The following LRRC53 variants were observed in gnomAD, a reference collection of about 807,000 sequenced individuals.
The protein encoded by LRRC53 is leucine rich repeat containing 53, also known as leucine-rich repeat-containing protein 53.
A neutral mutation model predicts 13.6 loss-of-function variants in LRRC53; 25 were observed. That is an observed-to-expected ratio of 1.83 (90% CI 1.34 to 2.56). LRRC53 has a LOEUF of 2.56. LRRC53 is among the 30% of genes most tolerant of loss of function. LRRC53 has a pLI of 0.00. For missense variants in LRRC53, 527 were observed against 275.8 expected (o/e 1.91, Z -6.45); for synonymous variants, 204 against 109.8 (o/e 1.86, Z -5.37).
intron 1 of LRRC53, among the ~76,000 whole-genome samples, chr1:74,507,373 C>T (rs796298370): frequency 6.1e-4 from 93 of 152,254 alleles, no homozygotes; most frequent in African/African-American, 1.9e-3. Context: ...GTACAGATCC[C>T]ATCAGAGAAT....
intron 1 of LRRC53, among the ~76,000 whole-genome samples, chr1:74,496,235 T>C (rs1159565085): frequency 6.6e-6 from 1 of 152,102 alleles, no homozygotes. Context: ...ATGCAGCTAA[T>C]GAGAGAGGAA....
At chr1:74,526,846 A>T in the LRRC53 span, among the ~76,000 whole-genome samples, 1 of 152,174 alleles carries the variant, frequency 6.6e-6, no homozygotes, top group Non-Finnish European at 1.5e-5. Context: ...ACTACAGCTC[A>T]TGGGTAAATC....
chr1:74,496,007 A>G (rs939418979), intron 1 of LRRC53, among the ~76,000 whole-genome samples: 2 of 152,190 alleles, frequency 1.3e-5, no homozygotes, highest in Admixed American at 1.3e-4. Context: ...AGCTTGTGAG[A>G]CAGTGGTTCT....
At chr1:74,475,021 A>T (rs1476282078) in intron 4 of LRRC53, among the ~76,000 whole-genome samples, 1 of 151,160 alleles carries the variant, frequency 6.6e-6, no homozygotes, top group African/African-American at 2.4e-5. Context: ...TCTTTTTTTA[A>T]CATTGTTAGG....
chr1:74,479,115 C>T (rs948186157), intron 3 of LRRC53, among the ~76,000 whole-genome samples: 2 of 152,126 alleles, frequency 1.3e-5, no homozygotes, highest in East Asian at 1.9e-4. Flanking sequence ...TAAAATACGT[C>T]AGTCTTGGAT....
At chr1:74,491,977 G>A in intron 1 of LRRC53, 1 of 1,344,238 alleles carries the variant, frequency 7.4e-7, no homozygotes, top group Non-Finnish European at 9.8e-7. Context: ...GGAGCAAGCT[G>A]AGTGAATAGA....
rs1371852603 is a variant in LRRC53, at chr1:74,471,209, G to GTTTAGTGT, written c.2405_2412dup (p.Arg805ThrfsTer15). 1 of 400,554 alleles carries GTTTAGTGT rather than the reference G, an allele frequency of 2.5e-6. No individual in the cohort carries two copies. Among genetic ancestry groups the GTTTAGTGT allele is most frequent in the Non-Finnish European group, 4.4e-6 (1 of 226,174 alleles). 24.8% of individuals were successfully genotyped at this position (400,554 alleles called of 1,614,324 possible). A position where few individuals can be genotyped will look rare whatever the true frequency, so the allele number is the denominator to read the frequency against. ...TTGTTAGCACTGAGCAGGGGGGCAC[G>GTTTAGTGT]TTTAGTGTTTCGTTGATAATATGGG... On this transcript the variant is annotated frameshift_variant, in exon 5 of 5. Coordinates refer to ENST00000294635, the MANE Select transcript of LRRC53 (RefSeq NM_001382280.1). LOFTEE classifies it low-confidence loss of function (END_TRUNC).
the LRRC53 span, among the ~76,000 whole-genome samples, chr1:74,521,555 C>A: frequency 1.3e-5 from 2 of 151,850 alleles, no homozygotes; most frequent in Non-Finnish European, 2.9e-5. Context: ...TATATGCAGT[C>A]AAAATTAAAT....
At chr1:74,530,422 T>C in the LRRC53 span, among the ~76,000 whole-genome samples, 8 of 152,284 alleles carry the variant, frequency 5.3e-5, no homozygotes, top group Middle Eastern at 3.4e-3. Flanking sequence ...AAATGAGTTG[T>C]TAGGTGGGGC....
the LRRC53 span, among the ~76,000 whole-genome samples, chr1:74,518,873 C>CTTTT: frequency 1.4e-4 from 14 of 100,334 alleles, no homozygotes; most frequent in East Asian, 2.9e-4. Flanking sequence ...TTTTTTTTCC[C>CTTTT]CTTTTTTTTT....
the LRRC53 span, among the ~76,000 whole-genome samples, chr1:74,524,333 G>A: frequency 6.6e-6 from 1 of 152,330 alleles, no homozygotes; most frequent in African/African-American, 2.4e-5. Context: ...CAGAAACAGA[G>A]GGGGCTTGGC....
the LRRC53 span, among the ~76,000 whole-genome samples, chr1:74,528,857 G>A: frequency 6.6e-6 from 1 of 152,128 alleles, no homozygotes; most frequent in Non-Finnish European, 1.5e-5. Flanking sequence ...AAGGAAACAA[G>A]GCACTTGAAG....
At chr1:74,500,496 T>C (rs1669561923) in intron 1 of LRRC53, among the ~76,000 whole-genome samples, 1 of 149,818 alleles carries the variant, frequency 6.7e-6, no homozygotes, top group Admixed American at 6.6e-5. Context: ...CCCAGCTACT[T>C]GGGAGGCTGA....
intron 4 of LRRC53, among the ~76,000 whole-genome samples, chr1:74,473,960 C>T (rs1189305915): frequency 6.6e-6 from 1 of 151,944 alleles, no homozygotes; most frequent in Non-Finnish European, 1.5e-5. Flanking sequence ...TTTTCTTTAC[C>T]GATTTCTGTT....
intron 1 of LRRC53, among the ~76,000 whole-genome samples, chr1:74,511,873 C>G (rs1670244140): frequency 6.6e-6 from 1 of 152,152 alleles, no homozygotes; most frequent in South Asian, 2.1e-4. Flanking sequence ...AAAGTGGGAA[C>G]CTGCACAGTA....
chr1:74,529,668 T>C, the LRRC53 span, among the ~76,000 whole-genome samples: 1 of 152,352 alleles, frequency 6.6e-6, no homozygotes, highest in African/African-American at 2.4e-5. Flanking sequence ...TGGGAGATGA[T>C]GGGCATTAGA....
chr1:74,530,656 G>C, the LRRC53 span, among the ~76,000 whole-genome samples: 3 of 152,008 alleles, frequency 2.0e-5, no homozygotes, highest in Non-Finnish European at 2.9e-5. Flanking sequence ...TTGGTAAGAT[G>C]GTAGGTGGGA....
In LRRC53 at chr1:74,475,118, A is replaced by C. The variant is rs1277257281; in HGVS notation, c.1420+177T>G. ...GAACACTTCATCTCCACCTCAGCCC[A>C]CACACACACACACACACACACACAC... On this transcript the variant is annotated intron_variant, in intron 4 of 4. Transcript: ENST00000294635. Among the ~76,000 whole-genome samples, 7 of 124,110 alleles carry C rather than the reference A, an allele frequency of 5.6e-5. No individual in the cohort carries two copies. The South Asian group carries it at 9.5e-4, about 17-fold the overall frequency. 81.4% of individuals were successfully genotyped at this position (124,110 alleles called of 152,430 possible).
Position 74,470,718 on chromosome 1 carries a change from T to G in LRRC53, c.2904A>C (p.Glu968Asp). ...NSSHAQLENK[E>D]KTLMTKPQIS... ...TTTGGGGTTTTGTCATTAATGTTTT[T>G]TCTTTATTTTCAAGCTGTGCATGAC... Residue 968 changes from glutamate (E) to aspartate (D), a missense_variant, in exon 5 of 5, where the codon GAA (glutamate) becomes GAC (aspartate). Coordinates refer to ENST00000294635, the MANE Select transcript of LRRC53 (RefSeq NM_001382280.1). 1 of 400,736 alleles carries G rather than the reference T, an allele frequency of 2.5e-6. No individual in the cohort carries two copies. Among genetic ancestry groups the G allele is most frequent in the African/African-American group, 2.0e-5 (1 of 48,834 alleles). 24.8% of individuals were successfully genotyped at this position (400,736 alleles called of 1,614,324 possible). A position where few individuals can be genotyped will look rare whatever the true frequency, so the allele number is the denominator to read the frequency against.
Sources: allele counts gnomAD v4.1 joint callset (sites outside exome capture counted in the v4.1 genomes callset), GRCh38; gene constraint gnomAD v4.1.1; transcripts MANE v1.5; gene names NCBI Gene and HGNC (gene_info 2026-07-23, HGNC 2026-07-21).